CACNA1I: variants seen among roughly 807,000 people sequenced by gnomAD.
The protein encoded by CACNA1I is voltage-dependent T-type calcium channel subunit alpha-1I.
In CACNA1I, 74 loss-of-function variants were observed where a neutral mutation model predicts 201.6. The ratio of observed to expected loss-of-function variants is 0.37; its 90% CI spans 0.30 to 0.45. The LOEUF (loss-of-function observed/expected upper bound fraction) is 0.45. CACNA1I is among the 20% of genes least tolerant of loss of function. The probability of loss-of-function intolerance (pLI) is 1.00; values close to 1 mark genes in which losing one functional copy is unlikely to be tolerated. For synonymous variants in CACNA1I, 1,431 were observed against 1,345.2 expected (o/e 1.06, Z -1.40); for missense variants, 2,346 against 3,138.1 (o/e 0.75, Z 6.03).
chr22:39,626,512 G>A (rs73424155), intron 4 of CACNA1I, among the ~76,000 whole-genome samples: 8,268 of 152,300 alleles, frequency 0.054, 737 homozygotes, highest in African/African-American at 0.19. Context: ...GCTGGGCATC[G>A]TGTGGGTGGG....
At chr22:39,585,982 C>T (rs1052798360) in intron 1 of CACNA1I, among the ~76,000 whole-genome samples, 1 of 151,522 alleles carries the variant, frequency 6.6e-6, no homozygotes, top group African/African-American at 2.4e-5. Context: ...GATTGAGACT[C>T]TCCTGGCCAA....
Position 39,598,162 on chromosome 22 carries a change from G to A in CACNA1I, c.248G>A (p.Cys83Tyr), listed in dbSNP as rs1305449838. 9 of 1,599,476 alleles carry A rather than the reference G, an allele frequency of 5.6e-6. No individual in the cohort carries two copies. Among genetic ancestry groups the A allele is most frequent in the Non-Finnish European group, 6.8e-6 (8 of 1,172,524 alleles). ...IKMVCNPWFE[C>Y]VSMLVILLNC... ...GACTTGGTGTGCACGTGGTTTGAAT[G>A]TGTCAGCATGCTGGTGATCCTGCTG... The change falls in exon 2 of 37, where the codon TGT (cysteine) becomes TAT (tyrosine). Residue 83 changes from cysteine (C) to tyrosine (Y), a missense_variant. This residue lies in a region of CACNA1I where 130 missense variants were observed against 160.7 expected (regional missense o/e 0.81). Coordinates refer to ENST00000402142, the MANE Select transcript of CACNA1I (RefSeq NM_021096.4).
chr22:39,668,599 C>A (rs1297517267), intron 24 of CACNA1I, among the ~76,000 whole-genome samples: 2 of 152,102 alleles, frequency 1.3e-5, no homozygotes, highest in Non-Finnish European at 2.9e-5. Flanking sequence ...CTTTGGCAAA[C>A]CCCCCCACTT....
intron 1 of CACNA1I, among the ~76,000 whole-genome samples, chr22:39,575,545 C>T (rs1932316366): frequency 6.6e-6 from 1 of 152,080 alleles, no homozygotes; most frequent in African/African-American, 2.4e-5. Context: ...AACATAACAC[C>T]TTCAGAGGAC....
chr22:39,652,845 C>T (rs924677998), intron 10 of CACNA1I, among the ~76,000 whole-genome samples: 7 of 152,198 alleles, frequency 4.6e-5, no homozygotes, highest in African/African-American at 1.7e-4. Flanking sequence ...TTTGAGGCTG[C>T]AGTGATTGGT....
intron 1 of CACNA1I, among the ~76,000 whole-genome samples, chr22:39,571,746 G>A (rs1932190733): frequency 6.6e-6 from 1 of 152,164 alleles, no homozygotes. Context: ...ACCTCCTCAG[G>A]GAAGCCCTCT....
intron 1 of CACNA1I, among the ~76,000 whole-genome samples, chr22:39,590,090 G>A (rs1208211553): frequency 6.6e-6 from 1 of 152,148 alleles, no homozygotes; most frequent in Non-Finnish European, 1.5e-5. Context: ...CTGGAGAGGA[G>A]GCTGCCCTGC....
chr22:39,629,555 C>T lies in CACNA1I; in HGVS notation c.581-5010C>T, dbSNP rs1013836490. Among the ~76,000 whole-genome samples the T allele has an allele frequency of 1.9e-4, 29 of 152,274 alleles. No individual in the cohort carries two copies. Among genetic ancestry groups the T allele is most frequent in the Admixed American group, 5.9e-4 (9 of 15,308 alleles). ...GACGGCCAGGCAGGGCCAGGCAGGA[C>T]GGAGAGGAGCAGGGGGACGGAAGGC... is the stretch of plus-strand genomic sequence containing the variant. On this transcript the variant is annotated intron_variant, in intron 4 of 36. Transcript: ENST00000402142. The surrounding 1 kb of genome is among the most constrained non-coding windows in gnomAD (Gnocchi z 4.8).
At chr22:39,599,543 C>T (rs993819794) in intron 2 of CACNA1I, among the ~76,000 whole-genome samples, 7 of 137,378 alleles carry the variant, frequency 5.1e-5, no homozygotes, top group African/African-American at 1.6e-4. Context: ...GGCGTGAACC[C>T]GGGAGGCGGA....
Position 39,648,158 on chromosome 22 carries a change from C to T in CACNA1I, c.1567+232C>T, listed in dbSNP as rs1212661732. 6.6e-6 allele frequency among the ~76,000 whole-genome samples: 1 copy of T among 152,152 alleles called. No homozygotes were observed. The highest frequency in any genetic ancestry group is 1.5e-5 in the Non-Finnish European group (1 of 68,018). ...TGGAAAGCCCTGTCCTTCCAGCTCT[C>T]ACAGTCTGGGAATCGATTCTTGGGA... is the stretch of plus-strand genomic sequence containing the variant. On this transcript the variant is annotated intron_variant, in intron 9 of 36. Coordinates refer to ENST00000402142, the MANE Select transcript of CACNA1I (RefSeq NM_021096.4). The surrounding 1 kb of genome is among the most constrained non-coding windows in gnomAD (Gnocchi z 5.4).
intron 1 of CACNA1I, among the ~76,000 whole-genome samples, chr22:39,574,295 T>C (rs1349102901): frequency 1.3e-5 from 2 of 152,210 alleles, no homozygotes. Context: ...TGGAGGATTC[T>C]GGACCCGGTG....
chr22:39,619,321 A>G lies in CACNA1I; in HGVS notation c.494A>G (p.Tyr165Cys). ...TCCTTTCTCTGCAGGATGGTCGAGT[A>G]CTCCCTGGACCTTCAGAACATCAAC... ...FFIVMAGMVE[Y>C]SLDLQNINLS... The change falls in exon 4 of 37, where the codon TAC becomes TGC. Residue 165 changes from tyrosine to cysteine, a missense_variant. By Grantham distance (194) the Tyr-to-Cys change is radical. Coordinates refer to ENST00000402142, the MANE Select transcript of CACNA1I (RefSeq NM_021096.4). 2 of 1,608,176 alleles carry G rather than the reference A, an allele frequency of 1.2e-6. No individual in the cohort carries two copies. Among genetic ancestry groups the G allele is most frequent in the Non-Finnish European group, 1.7e-6 (2 of 1,179,168 alleles).
Position 39,673,085 on chromosome 22 carries a change from G to T in CACNA1I, c.4783+3G>T. The T allele has an allele frequency of 6.2e-7, 1 of 1,612,218 alleles. No homozygotes were observed. The highest frequency in any genetic ancestry group is 8.5e-7 in the Non-Finnish European group (1 of 1,178,984). On this transcript the variant is annotated splice_donor_region_variant and intron_variant, in intron 28 of 36. Coordinates refer to ENST00000402142, the MANE Select transcript of CACNA1I (RefSeq NM_021096.4). Reference sequence around the variant, plus strand: ...GAGGGTTCTGCGCATTGCCCGAGGTGAGGGGCAAGGGGTGGGACAGGGAAC... The same window carrying T: ...GAGGGTTCTGCGCATTGCCCGAGGTTAGGGGCAAGGGGTGGGACAGGGAAC...
intron 3 of CACNA1I, among the ~76,000 whole-genome samples, chr22:39,609,960 A>C (rs911364048): frequency 6.6e-6 from 1 of 152,184 alleles, no homozygotes; most frequent in South Asian, 2.1e-4. Context: ...CAACCTAGGC[A>C]AGCTCCACAG....
At chr22:39,604,866 C>G (rs548157115) in intron 3 of CACNA1I, among the ~76,000 whole-genome samples, 1 of 152,202 alleles carries the variant, frequency 6.6e-6, no homozygotes, top group East Asian at 1.9e-4. Flanking sequence ...TGTGAGCCAC[C>G]ACGCTCAGCT....
At position 39,648,835 on chromosome 22, in the gene CACNA1I, G is replaced by A. The variant is rs148663596; in HGVS notation, c.1568-666G>A. Among the ~76,000 whole-genome samples, 251 of 152,196 alleles carry A rather than the reference G, an allele frequency of 1.6e-3. 1 individual carries two copies. The highest frequency in any genetic ancestry group is 6.0e-3 in the African/African-American group (248 of 41,516). ...AACTCAGTCCAGGGCCAGCCCAGGC[G>A]TCTCCTGTGATTCCGGGGCAGCAAA... is the stretch of plus-strand genomic sequence containing the variant. On this transcript the variant is annotated intron_variant, in intron 9 of 36. Transcript: ENST00000402142. The surrounding 1 kb of genome is among the most constrained non-coding windows in gnomAD (Gnocchi z 5.4).
At chr22:39,658,808 CAGAT>C (rs1489904747) in intron 11 of CACNA1I, 119 bp from the exon 12 acceptor site, 7 of 847,470 alleles carry the variant, frequency 8.3e-6, no homozygotes, top group South Asian at 6.8e-5. Flanking sequence ...ACATATTTGT[CAGAT>C]GGATGGATGA....
At chr22:39,580,438 C>T (rs773681249) in intron 1 of CACNA1I, among the ~76,000 whole-genome samples, 2 of 152,156 alleles carry the variant, frequency 1.3e-5, no homozygotes, top group Non-Finnish European at 2.9e-5. Flanking sequence ...CCTCAGGTAC[C>T]CTGGCATGGA....
intron 3 of CACNA1I, among the ~76,000 whole-genome samples, chr22:39,607,817 C>T (rs1239211269): frequency 1.3e-5 from 2 of 150,818 alleles, no homozygotes; most frequent in African/African-American, 4.9e-5. Flanking sequence ...GATGAAACCC[C>T]ATGTCTACTA....
Sources: gnomAD v4.1 joint callset for allele counts (sites outside exome capture counted in the v4.1 genomes callset) on GRCh38, gnomAD v4.1.1 for gene constraint, gnomAD v4.1.1 regional missense constraint, Gnocchi (gnomAD v3.1) non-coding constraint, MANE v1.5 for transcripts, NCBI Gene and HGNC (gene_info 2026-07-23, HGNC 2026-07-21) for gene names.